PCDHA12: variants seen among roughly 807,000 people sequenced by gnomAD.
The protein encoded by PCDHA12 is protocadherin alpha 12.
PCDHA12 carries 44 observed loss-of-function variants against 60.0 expected under a neutral mutation model. The observed-to-expected ratio is 0.73, with a 90% CI of 0.58 to 0.94. PCDHA12 has a LOEUF of 0.94. Ranked by LOEUF, PCDHA12 falls within the 40% of genes least tolerant of loss-of-function variation. The probability of loss-of-function intolerance (pLI) is 0.00; values close to 1 mark genes in which losing one functional copy is unlikely to be tolerated. For missense variants in PCDHA12, 1,276 were observed against 1,239.7 expected (o/e 1.03, Z -0.44); for synonymous variants, 569 against 553.0 (o/e 1.03, Z -0.40).
At chr5:140,885,070 T>C (rs1253345040) in intron 1 of PCDHA12, among the ~76,000 whole-genome samples, 1 of 152,232 alleles carries the variant, frequency 6.6e-6, no homozygotes, top group African/African-American at 2.4e-5. Flanking sequence ...CAAGATATTA[T>C]TTTAAAGAGC....
rs1012749061 is a variant in PCDHA12 at position 141,011,525 on chromosome 5, C to T, written c.*1588C>T. Reference sequence around the variant, plus strand: ...AAAAGTGGAGTAGTGTTTTTTTAACCATTGTTAATCAGCTTTTGTGTATGA... The same window carrying T: ...AAAAGTGGAGTAGTGTTTTTTTAACTATTGTTAATCAGCTTTTGTGTATGA... On this transcript the variant is annotated 3_prime_UTR_variant, in exon 4 of 4. Coordinates refer to ENST00000398631, the MANE Select transcript of PCDHA12 (RefSeq NM_018903.4). 11 of 153,568 alleles carry T rather than the reference C, an allele frequency of 7.2e-5. No individual in the cohort carries two copies. The Admixed American group carries it at 7.2e-4, about 10-fold the overall frequency. 9.5% of individuals were successfully genotyped at this position (153,568 alleles called of 1,614,324 possible).
In PCDHA12 at chr5:141,000,611, A is replaced by T. The variant is rs185617081; in HGVS notation, c.2516-9016A>T. Among the ~76,000 whole-genome samples the T allele has an allele frequency of 4.7e-3, 713 of 150,994 alleles. 3 individuals carry two copies. Among genetic ancestry groups the T allele is most frequent in the Non-Finnish European group, 7.5e-3 (505 of 67,758 alleles). ...CCCAGCTAATTTTTGTATTTTTAGT[A>T]GAGACAGGGTTTCACCATGTTGGGC... On this transcript the variant is annotated intron_variant, in intron 3 of 3. Transcript: ENST00000398631.
In PCDHA12 at chr5:140,876,793, G is replaced by A. The variant is rs782321220; in HGVS notation, c.1321G>A (p.Val441Met). ...GSPSLWATAR[V>M]SVEVADVNDN... The stretch of plus-strand genomic sequence containing the variant: ...GCCTTCGCTGTGGGCCACGGCTAGA[G>A]TGTCCGTGGAGGTGGCCGACGTGAA... Residue 441 changes from valine to methionine, a missense_variant, in exon 1 of 4, where the codon GTG becomes ATG. By Grantham distance (21) the Val-to-Met change is conservative. Transcript: ENST00000398631. 1.2e-6 allele frequency: 2 copies of A among 1,614,240 alleles called. No homozygotes were observed. Among genetic ancestry groups the A allele is most frequent in the Non-Finnish European group, 1.7e-6 (2 of 1,180,048 alleles).
intron 1 of PCDHA12, chr5:140,967,430 T>C (rs1554229552): frequency 1.2e-6 from 2 of 1,613,482 alleles, no homozygotes; most frequent in East Asian, 4.5e-5. Context: ...GCAGGCAGCC[T>C]TGCACCACCT....
intron 1 of PCDHA12, among the ~76,000 whole-genome samples, chr5:140,958,932 C>T (rs2095452700): frequency 8.5e-6 from 1 of 118,160 alleles, no homozygotes; most frequent in South Asian, 2.5e-4. Flanking sequence ...GTGGCTCATA[C>T]TTGTAATAAT....
chr5:140,960,308 C>A (rs1387326739), intron 1 of PCDHA12, among the ~76,000 whole-genome samples: 1 of 152,122 alleles, frequency 6.6e-6, no homozygotes, highest in African/African-American at 2.4e-5. Flanking sequence ...CAATACCAAC[C>A]TCATTAGGGT....
chr5:140,890,635 C>G (rs1015207309), intron 1 of PCDHA12, among the ~76,000 whole-genome samples: 1 of 152,114 alleles, frequency 6.6e-6, no homozygotes, highest in Non-Finnish European at 1.5e-5. Flanking sequence ...AAGCATGTAT[C>G]CTTGATATAT....
chr5:140,917,574 A>AT (rs2078267630), intron 1 of PCDHA12, among the ~76,000 whole-genome samples: 2 of 152,154 alleles, frequency 1.3e-5, no homozygotes, highest in Non-Finnish European at 2.9e-5. Context: ...TCTCAGGCTG[A>AT]TTTTTGTTCA....
intron 1 of PCDHA12, chr5:140,966,728 TCCG>T (rs1554228593): frequency 2.8e-6 from 4 of 1,404,870 alleles, no homozygotes; most frequent in Non-Finnish European, 3.7e-6. Flanking sequence ...AGCTGCCGCC[TCCG>T]GCCCTGCCCG....
intron 1 of PCDHA12, chr5:140,884,401 G>T (rs781854362): frequency 3.1e-6 from 5 of 1,613,996 alleles, no homozygotes; most frequent in Non-Finnish European, 4.2e-6. Flanking sequence ...CCAGCCTGTT[G>T]GTGCTCACGT....
rs563512273 is a variant in PCDHA12 at position 140,921,751 on chromosome 5, A to G, written c.2367+43912A>G. Among the ~76,000 whole-genome samples, 11 of 152,290 alleles carry G rather than the reference A, an allele frequency of 7.2e-5. No homozygotes were observed. The East Asian group carries it at 7.7e-4, about 11-fold the overall frequency. On this transcript the variant is annotated intron_variant, in intron 1 of 3. Coordinates refer to ENST00000398631, the MANE Select transcript of PCDHA12 (RefSeq NM_018903.4). ...ATAAAAATTATAAGCATAACAGGAC[A>G]CTTCTTGGCTACTATTCAATACTGA...
Position 140,898,031 on chromosome 5 carries a change from G to C in PCDHA12, c.2367+20192G>C, listed in dbSNP as rs550093815. Among the ~76,000 whole-genome samples, 156 of 152,112 alleles carry C rather than the reference G, an allele frequency of 1.0e-3. No individual in the cohort carries two copies. The South Asian group carries it at 0.016, about 16-fold the overall frequency. ...CATATCCTTTGCCCACTTTTTGATG[G>C]GGTTGTTTGTTTTTTTCTTGTAAAT... On this transcript the variant is annotated intron_variant, in intron 1 of 3. Coordinates refer to ENST00000398631, the MANE Select transcript of PCDHA12 (RefSeq NM_018903.4).
At chr5:140,924,901 AAAAAT>A (rs10667761) in intron 1 of PCDHA12, among the ~76,000 whole-genome samples, 4,416 of 80,206 alleles carry the variant, frequency 0.055, 204 homozygotes, top group African/African-American at 0.16. Flanking sequence ...TCTCAAAAAA[AAAAAT>A]AAAATAAAAT....
chr5:140,934,349 T>C (rs1466597753), intron 1 of PCDHA12, among the ~76,000 whole-genome samples: 2 of 152,202 alleles, frequency 1.3e-5, no homozygotes, highest in African/African-American at 4.8e-5. Flanking sequence ...CAGTACAGTG[T>C]GGAGCCACTG....
intron 1 of PCDHA12, chr5:140,883,711 C>G: frequency 6.2e-7 from 1 of 1,613,576 alleles, no homozygotes; most frequent in Admixed American, 1.7e-5. Flanking sequence ...CTGCTCAGGA[C>G]GCGGACGCAC....
chr5:140,894,827 T>G (rs2064691411), intron 1 of PCDHA12, among the ~76,000 whole-genome samples: 1 of 152,192 alleles, frequency 6.6e-6, no homozygotes, highest in South Asian at 2.1e-4. Flanking sequence ...TTGCCCATAA[T>G]CCTTTTCTTA....
intron 1 of PCDHA12, among the ~76,000 whole-genome samples, chr5:140,963,902 A>G (rs1227304928): frequency 6.6e-6 from 1 of 152,218 alleles, no homozygotes; most frequent in Non-Finnish European, 1.5e-5. Flanking sequence ...AAATGAGTAA[A>G]GTGAAGCTTA....
In PCDHA12 at chr5:140,876,078, A is replaced by C. The variant is rs2056099570; in HGVS notation, c.606A>C (p.Arg202Ser). The C allele has an allele frequency of 6.2e-7, 1 of 1,613,868 alleles. No individual in the cohort carries two copies. The highest frequency in any genetic ancestry group is 8.5e-7 in the Non-Finnish European group (1 of 1,179,916). ...TAGTTCTTCGGAAGTTATTGGACAG[A>C]GAGCAAACGCCAAAACTCAATTTAT... ...PELVLRKLLD[R>S]EQTPKLNLLL... The change falls in exon 1 of 4, where the codon AGA (arginine) becomes AGC (serine). Residue 202 changes from arginine to serine, a missense_variant. Transcript: ENST00000398631.
intron 1 of PCDHA12, among the ~76,000 whole-genome samples, chr5:140,976,550 C>CATAA (rs782672542): frequency 1.5e-4 from 23 of 152,064 alleles, no homozygotes; most frequent in African/African-American, 4.6e-4. Flanking sequence ...GACCCTATCT[C>CATAA]ATAAATAAAT....
Sources: allele counts gnomAD v4.1 joint callset (sites outside exome capture counted in the v4.1 genomes callset), GRCh38; gene constraint gnomAD v4.1.1; transcripts MANE v1.5; gene names NCBI Gene and HGNC (gene_info 2026-07-23, HGNC 2026-07-21).